Variants in CDYL2 observed in about 807,000 individuals in gnomAD.
The protein encoded by CDYL2 is chromodomain Y-like protein 2.
A neutral mutation model predicts 49.4 loss-of-function variants in CDYL2; 23 were observed. The observed-to-expected ratio is 0.47, with a 90% CI of 0.34 to 0.66. CDYL2 has a LOEUF of 0.66. Among genes scored for constraint, CDYL2 ranks in the 30% least tolerant of loss-of-function variants. The pLI is 0.01. For synonymous variants in CDYL2, 360 were observed against 268.8 expected, an observed-to-expected ratio of 1.34 and a Z score of -3.32; for missense variants, 678 against 656.4, an observed-to-expected ratio of 1.03 and a Z score of -0.36.
At chr16:80,723,533 G>T (rs1905070924) in intron 1 of CDYL2, among the ~76,000 whole-genome samples, 1 of 152,140 alleles carries the variant, frequency 6.6e-6, no homozygotes, top group Non-Finnish European at 1.5e-5. Flanking sequence ...AGGTGAGACT[G>T]ACCCCATGCC....
At chr16:80,652,605 G>C (rs1247607835) in intron 2 of CDYL2, among the ~76,000 whole-genome samples, 2 of 152,226 alleles carry the variant, frequency 1.3e-5, no homozygotes, top group African/African-American at 4.8e-5. Context: ...ACAGTGTGTA[G>C]AGGGGGAGGC....
intron 1 of CDYL2, among the ~76,000 whole-genome samples, chr16:80,789,985 G>A (rs559704518): frequency 2.6e-5 from 4 of 152,212 alleles, no homozygotes; most frequent in African/African-American, 2.4e-5. Context: ...CACTAGAAAC[G>A]CAGCCCCCAC....
intron 1 of CDYL2, among the ~76,000 whole-genome samples, chr16:80,732,772 G>C (rs967907290): frequency 1.3e-5 from 2 of 152,154 alleles, no homozygotes; most frequent in Non-Finnish European, 1.5e-5. Context: ...TGTGATGTAA[G>C]AATTTCCTTT....
chr16:80,607,757 G>A (rs1186302848), intron 6 of CDYL2, among the ~76,000 whole-genome samples: 1 of 152,086 alleles, frequency 6.6e-6, no homozygotes, highest in Non-Finnish European at 1.5e-5. Flanking sequence ...ATCCTTATTG[G>A]CCGCTGCTTC....
chr16:80,608,011 G>A, intron 6 of CDYL2, 81 bp downstream of exon 6: 1 of 1,429,392 alleles, frequency 7.0e-7, no homozygotes, highest in Middle Eastern at 1.9e-4. Context: ...GCAAGTCAGT[G>A]AAGCCCTCTG....
chr16:80,783,311 A>G (rs1049459668), intron 1 of CDYL2, among the ~76,000 whole-genome samples: 2 of 152,210 alleles, frequency 1.3e-5, no homozygotes, highest in Admixed American at 6.5e-5. Context: ...CAAAACTGCA[A>G]TGAGATACCA....
intron 1 of CDYL2, among the ~76,000 whole-genome samples, chr16:80,735,433 A>G (rs1041522685): frequency 7.9e-5 from 12 of 152,226 alleles, no homozygotes; most frequent in Non-Finnish European, 1.8e-4. Flanking sequence ...AGTTAATAAT[A>G]ACCACGACAT....
At chr16:80,769,684 G>C (rs16953982) in intron 1 of CDYL2, among the ~76,000 whole-genome samples, 3 of 152,110 alleles carry the variant, frequency 2.0e-5, no homozygotes. Flanking sequence ...GTACTTTTAT[G>C]GGTAGAATCT....
chr16:80,652,829 G>C (rs890767533), intron 2 of CDYL2, among the ~76,000 whole-genome samples: 1 of 152,008 alleles, frequency 6.6e-6, no homozygotes, highest in Non-Finnish European at 1.5e-5. Context: ...CCCAACTGAG[G>C]GACATTCTAC....
At chr16:80,803,624 C>A in intron 1 of CDYL2, among the ~76,000 whole-genome samples, 1 of 142,330 alleles carries the variant, frequency 7.0e-6, no homozygotes, top group African/African-American at 2.6e-5. Flanking sequence ...CCCCCGGGAC[C>A]CCGCCTCGCC....
chr16:80,683,296 A>C (rs1383715454), intron 2 of CDYL2, among the ~76,000 whole-genome samples: 1 of 152,250 alleles, frequency 6.6e-6, no homozygotes, highest in Non-Finnish European at 1.5e-5. Flanking sequence ...CAAAGAGACA[A>C]ATGCCACCAG....
At chr16:80,760,559 C>T (rs1450636830) in intron 1 of CDYL2, among the ~76,000 whole-genome samples, 1 of 151,922 alleles carries the variant, frequency 6.6e-6, no homozygotes, top group Non-Finnish European at 1.5e-5. Context: ...GTAATGATTA[C>T]ACATTGCATG....
Position 80,612,695 on chromosome 16 carries a change from G to A in CDYL2, c.1149C>T (p.Tyr383=), listed in dbSNP as rs896624. 0.014 allele frequency: 22,922 copies of A among 1,613,258 alleles called. 2,475 individuals carry two copies. The African/African-American group carries it at 0.25, about 18-fold the overall frequency. The change falls in exon 5 of 7, where the codon TAC becomes TAT. Residue 383 remains tyrosine (Y), a synonymous_variant. Coordinates refer to ENST00000570137, the MANE Select transcript of CDYL2 (RefSeq NM_152342.4). This position sits in a 1 kb window ranked among gnomAD's most constrained non-coding sequence, Gnocchi z 5.0. The part of the protein sequence containing the change: ...ASEKAWFQTP[Y]ATIRLTPAGC... ...CAGCAGGCGTGAGGCGGATGGTGGC[G>A]TAGGGCGTCTGGAACCAGGCCTTCT... is the stretch of plus-strand genomic sequence containing the variant.
At chr16:80,620,961 G>A (rs1311904136) in intron 3 of CDYL2, 26 bp from the exon 4 acceptor site, 5 of 1,565,520 alleles carry the variant, frequency 3.2e-6, no homozygotes, top group Non-Finnish European at 4.3e-6. Flanking sequence ...AATTTGCAGG[G>A]ATGTTAAGTG....
intron 1 of CDYL2, among the ~76,000 whole-genome samples, chr16:80,726,336 A>G (rs1905161495): frequency 6.6e-6 from 1 of 152,264 alleles, no homozygotes; most frequent in South Asian, 2.1e-4. Context: ...TAAAACAAAG[A>G]CACTGATTTT....
intron 6 of CDYL2, among the ~76,000 whole-genome samples, chr16:80,605,963 C>A (rs1454959097): frequency 2.0e-5 from 3 of 152,256 alleles, no homozygotes; most frequent in Non-Finnish European, 4.4e-5. Flanking sequence ...AAAACCTGGT[C>A]TGGCTGATTC....
At chr16:80,773,183 A>G (rs1906963918) in intron 1 of CDYL2, among the ~76,000 whole-genome samples, 1 of 152,204 alleles carries the variant, frequency 6.6e-6, no homozygotes, top group African/African-American at 2.4e-5. Context: ...TTTTAAAACA[A>G]AAAGTTTAAC....
At position 80,785,754 on chromosome 16, in the gene CDYL2, C is replaced by G. The variant is rs188307026; in HGVS notation, c.24+18396G>C. Among the ~76,000 whole-genome samples, 424 of 152,242 alleles carry G rather than the reference C, an allele frequency of 2.8e-3. 3 individuals are homozygous for G. The highest frequency in any genetic ancestry group is 9.8e-3 in the African/African-American group (408 of 41,532). ...TAAACAAAACAGCATAGTACTGGTACCAAAACAGAGATATAGACCAATGGA... is the reference window on the plus strand; with the variant it reads ...TAAACAAAACAGCATAGTACTGGTAGCAAAACAGAGATATAGACCAATGGA... On this transcript the variant is annotated intron_variant, in intron 1 of 6. Coordinates refer to ENST00000570137, the MANE Select transcript of CDYL2 (RefSeq NM_152342.4).
At chr16:80,654,806 G>C (rs1189956554) in intron 2 of CDYL2, among the ~76,000 whole-genome samples, 3 of 152,210 alleles carry the variant, frequency 2.0e-5, no homozygotes, top group Non-Finnish European at 4.4e-5. Flanking sequence ...AAAGCAATCA[G>C]GCTTTGTCAA....
Sources: gnomAD v4.1 joint callset for allele counts (sites outside exome capture counted in the v4.1 genomes callset) on GRCh38, gnomAD v4.1.1 for gene constraint, Gnocchi (gnomAD v3.1) non-coding constraint, MANE v1.5 for transcripts, NCBI Gene and HGNC (gene_info 2026-07-23, HGNC 2026-07-21) for gene names.